Variants in EGFR observed in about 807,000 individuals in gnomAD.
EGFR encodes avian erythroblastic leukemia viral (v-erb-b) oncogene homolog.
EGFR carries 58 observed loss-of-function variants against 143.0 expected under a neutral mutation model. The ratio of observed to expected loss-of-function variants is 0.41; its 90% CI spans 0.33 to 0.50. EGFR has a LOEUF of 0.50. Among genes scored for constraint, EGFR ranks in the 20% least tolerant of loss-of-function variants. EGFR has a pLI of 0.39. For missense variants in EGFR, 1,307 were observed against 1,579.0 expected, an observed-to-expected ratio of 0.83 and a Z score of 2.92; for synonymous variants, 613 against 594.4, an observed-to-expected ratio of 1.03 and a Z score of -0.45.
rs983375595 is a variant in EGFR, at chr7:55,210,137, A to G, written c.*4520A>G. 2 of 152,370 alleles carry G rather than the reference A, an allele frequency of 1.3e-5. No homozygotes were observed. Among genetic ancestry groups the G allele is most frequent in the East Asian group, 3.8e-4 (2 of 5,196 alleles). 9.4% of individuals were successfully genotyped at this position (152,370 alleles called of 1,614,324 possible). A position where few individuals can be genotyped will look rare whatever the true frequency, so the allele number is the denominator to read the frequency against. On this transcript the variant is annotated 3_prime_UTR_variant, in exon 28 of 28. Transcript: ENST00000275493. ...TACTAGAAAAATCCAGTTGCATGCCATACTCTCATCATCTGCCAGTGTAAC... is the reference window on the plus strand; with the variant it reads ...TACTAGAAAAATCCAGTTGCATGCCGTACTCTCATCATCTGCCAGTGTAAC...
intron 16 of EGFR, among the ~76,000 whole-genome samples, chr7:55,171,453 C>A (rs1786347150): frequency 6.6e-6 from 1 of 152,224 alleles, no homozygotes; most frequent in African/African-American, 2.4e-5. Flanking sequence ...GGGGCTGCTC[C>A]CTGCTCCGCC....
At chr7:55,106,842 A>T (rs868323823) in intron 1 of EGFR, among the ~76,000 whole-genome samples, 1 of 152,220 alleles carries the variant, frequency 6.6e-6, no homozygotes, top group Non-Finnish European at 1.5e-5. Flanking sequence ...TTAAAAAATC[A>T]TATTTAGAGA....
In EGFR at chr7:55,106,918, C is replaced by G. The variant is rs567937795; in HGVS notation, c.89-35368C>G. On this transcript the variant is annotated intron_variant, in intron 1 of 27. Coordinates refer to ENST00000275493, the MANE Select transcript of EGFR (RefSeq NM_005228.5). The stretch of plus-strand genomic sequence containing the variant: ...CCCATGGAATTGTCTTCAACTCTTA[C>G]AGTTCAAATATTCCTGAATTGGCTT... Among the ~76,000 whole-genome samples the G allele has an allele frequency of 7.9e-5, 12 of 152,290 alleles. No homozygotes were observed. In the South Asian group the frequency reaches 2.5e-3, roughly 32 times the overall value.
intron 5 of EGFR, 46 bp from the exon 6 acceptor site, chr7:55,152,500 C>T (rs754581841): frequency 6.5e-7 from 1 of 1,545,830 alleles, no homozygotes; most frequent in East Asian, 2.2e-5. Context: ...GGGAAATGAT[C>T]CTACCCTCAC....
intron 1 of EGFR, among the ~76,000 whole-genome samples, chr7:55,099,155 T>G (rs1317958422): frequency 1.3e-5 from 2 of 152,242 alleles, no homozygotes; most frequent in African/African-American, 4.8e-5. Context: ...TGGCTTTCTC[T>G]GTGTTCCTCT....
At chr7:55,129,287 G>A (rs973950127) in intron 1 of EGFR, among the ~76,000 whole-genome samples, 3 of 152,188 alleles carry the variant, frequency 2.0e-5, no homozygotes, top group Non-Finnish European at 2.9e-5. Context: ...CTGTGGAGGC[G>A]GGGAATCTGC....
intron 1 of EGFR, among the ~76,000 whole-genome samples, chr7:55,068,609 G>A (rs928494015): frequency 2.0e-5 from 3 of 152,170 alleles, no homozygotes; most frequent in Admixed American, 6.5e-5. Context: ...TTTCTGTTCT[G>A]TATCTTCTCT....
At chr7:55,021,711 T>C (rs1346703811) in intron 1 of EGFR, among the ~76,000 whole-genome samples, 1 of 152,206 alleles carries the variant, frequency 6.6e-6, no homozygotes, top group African/African-American at 2.4e-5. Flanking sequence ...GGGAGTTTTG[T>C]TTGGTTCTGG....
At chr7:55,203,045 TTAA>T (rs1447144759) in intron 27 of EGFR, 11 of 326,518 alleles carry the variant, frequency 3.4e-5, no homozygotes, top group Admixed American at 1.8e-4. Flanking sequence ...TAAATATTAG[TTAA>T]TATTAATAAA....
chr7:55,134,953 T>A (rs546787292), intron 1 of EGFR, among the ~76,000 whole-genome samples: 1 of 152,250 alleles, frequency 6.6e-6, no homozygotes, highest in East Asian at 1.9e-4. Context: ...AGACCCAGCA[T>A]GTTGAGATAA....
intron 1 of EGFR, among the ~76,000 whole-genome samples, chr7:55,028,034 A>T (rs1787033801): frequency 6.9e-6 from 1 of 145,012 alleles, no homozygotes; most frequent in Non-Finnish European, 1.5e-5. Context: ...ATACACACAC[A>T]CACACATATG....
intron 6 of EGFR, among the ~76,000 whole-genome samples, chr7:55,153,806 T>C (rs1785272575): frequency 6.6e-6 from 1 of 152,150 alleles, no homozygotes; most frequent in Non-Finnish European, 1.5e-5. Flanking sequence ...ACAGTGCACC[T>C]AAGAAAAAAA....
At chr7:55,088,677 G>A (rs149038355) in intron 1 of EGFR, among the ~76,000 whole-genome samples, 1 of 152,316 alleles carries the variant, frequency 6.6e-6, no homozygotes, top group East Asian at 1.9e-4. Flanking sequence ...CCATCGTGCT[G>A]CTAATGGGAC....
chr7:55,065,915 C>T (rs769593276), intron 1 of EGFR, among the ~76,000 whole-genome samples: 3 of 140,470 alleles, frequency 2.1e-5, no homozygotes, highest in South Asian at 2.3e-4. Context: ...GCATTCCTTT[C>T]GCTCTTGCCT....
chr7:55,067,002 C>T (rs1189747010), intron 1 of EGFR, among the ~76,000 whole-genome samples: 2 of 152,198 alleles, frequency 1.3e-5, no homozygotes, highest in Non-Finnish European at 2.9e-5. Flanking sequence ...TATGCCTCAG[C>T]CCCACCATGC....
chr7:55,104,661 G>A (rs1435738865), intron 1 of EGFR, among the ~76,000 whole-genome samples: 1 of 152,200 alleles, frequency 6.6e-6, no homozygotes, highest in Non-Finnish European at 1.5e-5. Context: ...CCAAAGCTCT[G>A]CCCTGCCTGG....
chr7:55,141,884 A>T (rs947917037), intron 1 of EGFR, among the ~76,000 whole-genome samples: 1 of 152,146 alleles, frequency 6.6e-6, no homozygotes, highest in Non-Finnish European at 1.5e-5. Context: ...TGCCTACTGG[A>T]GCTCTTACAG....
At chr7:55,080,559 A>G (rs1163247170) in intron 1 of EGFR, among the ~76,000 whole-genome samples, 1 of 152,086 alleles carries the variant, frequency 6.6e-6, no homozygotes, top group Non-Finnish European at 1.5e-5. Context: ...GCTTGGGGAG[A>G]TTTGGTGAAA....
At chr7:55,041,720 C>CATAA in intron 1 of EGFR, among the ~76,000 whole-genome samples, 1 of 152,082 alleles carries the variant, frequency 6.6e-6, no homozygotes, top group Non-Finnish European at 1.5e-5. Context: ...AATTGTAATA[C>CATAA]CTAGAAAAAC....
Sources: gnomAD v4.1 joint callset for allele counts (sites outside exome capture counted in the v4.1 genomes callset) on GRCh38, gnomAD v4.1.1 for gene constraint, MANE v1.5 for transcripts, NCBI Gene and HGNC (gene_info 2026-07-23, HGNC 2026-07-21) for gene names.